SERGEF: variants seen among roughly 807,000 people sequenced by gnomAD.
SERGEF encodes the protein secretion-regulating guanine nucleotide exchange factor.
A neutral mutation model predicts 50.0 loss-of-function variants in SERGEF; 51 were observed. That is an observed-to-expected ratio of 1.02 (90% confidence interval 0.81 to 1.29). The LOEUF is 1.29. SERGEF is among the 50% of genes most tolerant of loss of function. The pLI, the probability that SERGEF is intolerant of heterozygous loss-of-function variation, is 0.00. For missense variants in SERGEF, 521 were observed against 557.0 expected (o/e 0.94, Z 0.65); for synonymous variants, 205 against 212.4 (o/e 0.97, Z 0.30).
chr11:17,981,568 G>A (rs868538278), intron 8 of SERGEF, among the ~76,000 whole-genome samples: 1 of 152,124 alleles, frequency 6.6e-6, no homozygotes, highest in Admixed American at 6.5e-5. Context: ...TACTCATCTT[G>A]CCAACTTCAT....
intron 9 of SERGEF, among the ~76,000 whole-genome samples, chr11:17,925,846 G>T (rs1463972391): frequency 1.3e-5 from 2 of 152,190 alleles, no homozygotes; most frequent in Non-Finnish European, 1.5e-5. Context: ...CTGAATTCCA[G>T]TGTCAGCTGT....
At chr11:17,893,584 G>A (rs1208282500) in intron 9 of SERGEF, among the ~76,000 whole-genome samples, 1 of 152,142 alleles carries the variant, frequency 6.6e-6, no homozygotes, top group Non-Finnish European at 1.5e-5. Context: ...TCTTTTCAGA[G>A]AGGCTCCCCT....
chr11:17,804,029 G>T (rs1849715306), intron 10 of SERGEF, among the ~76,000 whole-genome samples: 1 of 152,228 alleles, frequency 6.6e-6, no homozygotes, highest in South Asian at 2.1e-4. Context: ...CCAAGGATCA[G>T]ACACCTAGTG....
intron 9 of SERGEF, among the ~76,000 whole-genome samples, chr11:17,936,241 A>T (rs1852450165): frequency 6.6e-6 from 1 of 152,212 alleles, no homozygotes; most frequent in African/African-American, 2.4e-5. Context: ...AAAGAATTAG[A>T]AGTGAGGACC....
At chr11:17,865,800 G>T (rs529434414) in intron 10 of SERGEF, among the ~76,000 whole-genome samples, 108 of 152,256 alleles carry the variant, frequency 7.1e-4, no homozygotes, top group Non-Finnish European at 1.1e-3. Context: ...TGAAGAAAGA[G>T]ATTTTTTGTG....
chr11:17,969,333 T>G (rs934858229), intron 8 of SERGEF, among the ~76,000 whole-genome samples: 1 of 152,234 alleles, frequency 6.6e-6, no homozygotes, highest in African/African-American at 2.4e-5. Context: ...ACTCTAAAGC[T>G]TCTTCACACA....
chr11:17,999,566 T>G (rs772053382), intron 5 of SERGEF: 56 of 456,146 alleles, frequency 1.2e-4, no homozygotes, highest in Non-Finnish European at 2.2e-4. Flanking sequence ...AGCCAATTAG[T>G]GCTGTCCTTC....
chr11:17,974,483 A>C (rs977394142), intron 8 of SERGEF, among the ~76,000 whole-genome samples: 1 of 152,170 alleles, frequency 6.6e-6, no homozygotes, highest in Non-Finnish European at 1.5e-5. Context: ...GTTACTATGG[A>C]CCATCTGCCA....
At chr11:17,942,016 T>C (rs549720644) in intron 9 of SERGEF, among the ~76,000 whole-genome samples, 18 of 128,082 alleles carry the variant, frequency 1.4e-4, no homozygotes, top group African/African-American at 4.4e-4. Flanking sequence ...TGTAGATTTA[T>C]AGCAAATTTG....
intron 10 of SERGEF, chr11:17,846,724 A>G: frequency 2.2e-6 from 1 of 456,292 alleles, no homozygotes; most frequent in Non-Finnish European, 4.4e-6. Context: ...TTTCCACATC[A>G]GCAAAACTGG....
chr11:17,873,688 A>G (rs1851191221), intron 10 of SERGEF, among the ~76,000 whole-genome samples: 1 of 151,950 alleles, frequency 6.6e-6, no homozygotes, highest in South Asian at 2.1e-4. Context: ...GAGGAGGAGG[A>G]GGAGGAGGCA....
chr11:17,969,283 A>C (rs994845607), intron 8 of SERGEF, among the ~76,000 whole-genome samples: 4 of 152,206 alleles, frequency 2.6e-5, no homozygotes, highest in Admixed American at 6.5e-5. Context: ...GATTGAGGCC[A>C]GTGACTCTAC....
At chr11:17,918,612 T>C in intron 9 of SERGEF, 1 of 282,514 alleles carries the variant, frequency 3.5e-6, no homozygotes, top group Admixed American at 4.7e-5. Flanking sequence ...GTAAGATAAA[T>C]AAAGCAGGAA....
intron 10 of SERGEF, among the ~76,000 whole-genome samples, chr11:17,819,307 A>G (rs535274278): frequency 3.9e-5 from 6 of 152,342 alleles, no homozygotes; most frequent in African/African-American, 1.4e-4. Context: ...TGTGTTATAG[A>G]CTCTGAGGAC....
intron 10 of SERGEF, among the ~76,000 whole-genome samples, chr11:17,861,677 G>A (rs1437546998): frequency 6.6e-6 from 1 of 152,238 alleles, no homozygotes; most frequent in African/African-American, 2.4e-5. Flanking sequence ...AGCTTCCTAA[G>A]TCAGCTGTTT....
chr11:17,802,344 C>T (rs1049534018), intron 10 of SERGEF, among the ~76,000 whole-genome samples: 5 of 152,164 alleles, frequency 3.3e-5, no homozygotes, highest in African/African-American at 7.2e-5. Context: ...CACTGGGCTC[C>T]CTCCCTGCAT....
intron 10 of SERGEF, among the ~76,000 whole-genome samples, chr11:17,845,679 T>TGACTAA (rs1850594132): frequency 6.6e-6 from 1 of 152,206 alleles, no homozygotes. Context: ...TGGATACAAA[T>TGACTAA]GACTAAGACT....
At chr11:17,880,788 G>A (rs1389153937) in intron 9 of SERGEF, among the ~76,000 whole-genome samples, 2 of 152,064 alleles carry the variant, frequency 1.3e-5, no homozygotes, top group South Asian at 2.1e-4. Flanking sequence ...GGATTTGAAG[G>A]AAATTTAAAT....
intron 10 of SERGEF, among the ~76,000 whole-genome samples, chr11:17,859,742 CA>C (rs1383526236): frequency 1.3e-5 from 2 of 151,978 alleles, no homozygotes; most frequent in Admixed American, 1.3e-4. Flanking sequence ...GCAGACTTCT[CA>C]ATAGTAACAT....
Sources: gnomAD v4.1 joint callset for allele counts (sites outside exome capture counted in the v4.1 genomes callset) on GRCh38, gnomAD v4.1.1 for gene constraint, MANE v1.5 for transcripts, NCBI Gene and HGNC (gene_info 2026-07-23, HGNC 2026-07-21) for gene names.